GLDN: variants seen among roughly 807,000 people sequenced by gnomAD.
GLDN encodes gliomedin.
Under a neutral mutation model 56.5 loss-of-function variants are expected in GLDN, and 47 were observed. The ratio of observed to expected loss-of-function variants is 0.83; its 90% CI spans 0.66 to 1.06. The LOEUF is 1.06. GLDN is among the 50% of genes least tolerant of loss of function. The pLI is 0.00. For synonymous variants in GLDN, 332 were observed against 278.8 expected, an observed-to-expected ratio of 1.19 and a Z score of -1.90; for missense variants, 782 against 714.3, an observed-to-expected ratio of 1.09 and a Z score of -1.08.
intron 1 of GLDN, among the ~76,000 whole-genome samples, chr15:51,344,566 A>G: frequency 6.6e-6 from 1 of 152,146 alleles, no homozygotes; most frequent in African/African-American, 2.4e-5. Context: ...AAGTGTATAC[A>G]CTTCTTATAG....
chr15:51,401,114 A>G (rs778871220), intron 8 of GLDN, among the ~76,000 whole-genome samples: 7 of 152,250 alleles, frequency 4.6e-5, no homozygotes, highest in Non-Finnish European at 1.5e-5. Context: ...TTATTTCATC[A>G]AGGCCAGTTA....
At chr15:51,399,099 C>A (rs1388728354) in intron 6 of GLDN, among the ~76,000 whole-genome samples, 1 of 152,164 alleles carries the variant, frequency 6.6e-6, no homozygotes, top group Non-Finnish European at 1.5e-5. Flanking sequence ...ATCTTTAATA[C>A]CCTGTAGTTC....
chr15:51,391,224 C>T (rs898395426), intron 4 of GLDN, among the ~76,000 whole-genome samples: 2 of 151,790 alleles, frequency 1.3e-5, no homozygotes, highest in East Asian at 1.9e-4. Flanking sequence ...AAATACCTGA[C>T]CCTGTGGGGG....
intron 1 of GLDN, among the ~76,000 whole-genome samples, chr15:51,356,373 T>C (rs754577168): frequency 1.3e-5 from 2 of 152,118 alleles, no homozygotes; most frequent in African/African-American, 2.4e-5. Context: ...GGTGGTGCTA[T>C]GGACAGAAGT....
At chr15:51,402,267 G>A (rs1461920487) in intron 9 of GLDN, among the ~76,000 whole-genome samples, 1 of 152,210 alleles carries the variant, frequency 6.6e-6, no homozygotes, top group Non-Finnish European at 1.5e-5. Context: ...AAGGGAGGAG[G>A]GTCACCTGGG....
intron 1 of GLDN, among the ~76,000 whole-genome samples, chr15:51,352,224 C>A (rs2037089903): frequency 6.6e-6 from 1 of 151,980 alleles, no homozygotes; most frequent in Non-Finnish European, 1.5e-5. Flanking sequence ...AAGGGCAAGG[C>A]AGCTCTCTGG....
the GLDN span, among the ~76,000 whole-genome samples, chr15:51,413,061 G>T: frequency 2.0e-5 from 3 of 152,008 alleles, no homozygotes; most frequent in South Asian, 2.1e-4. Flanking sequence ...CCTTGTTATT[G>T]CTTTATCTGT....
intron 6 of GLDN, among the ~76,000 whole-genome samples, chr15:51,397,976 G>A (rs1261005820): frequency 6.6e-6 from 1 of 152,258 alleles, no homozygotes; most frequent in Non-Finnish European, 1.5e-5. Flanking sequence ...TGAAGGGGAA[G>A]TTTGGATTGG....
intron 1 of GLDN, among the ~76,000 whole-genome samples, chr15:51,366,031 G>A (rs577847218): frequency 1.3e-5 from 2 of 152,294 alleles, no homozygotes; most frequent in East Asian, 3.9e-4. Context: ...ATAAAGTAAG[G>A]GCAAGGATGT....
At chr15:51,384,159 G>A in intron 4 of GLDN, 1 of 453,770 alleles carries the variant, frequency 2.2e-6, no homozygotes, top group South Asian at 2.2e-5. Context: ...GAGGTGGAAG[G>A]AGCAGGAGCC....
chr15:51,362,884 AT>A (rs2037328186), intron 1 of GLDN, among the ~76,000 whole-genome samples: 2 of 152,218 alleles, frequency 1.3e-5, no homozygotes, highest in African/African-American at 2.4e-5. Flanking sequence ...AGCTGATAAA[AT>A]TTTCTGACAG....
At chr15:51,347,418 T>C (rs1347286079) in intron 1 of GLDN, among the ~76,000 whole-genome samples, 2 of 152,232 alleles carry the variant, frequency 1.3e-5, no homozygotes, top group Non-Finnish European at 2.9e-5. Context: ...TTTTTGCGAT[T>C]TTTTTTCCTT....
At chr15:51,370,635 TAAA>T (rs61086666) in intron 1 of GLDN, among the ~76,000 whole-genome samples, 9 of 147,288 alleles carry the variant, frequency 6.1e-5, no homozygotes, top group East Asian at 3.9e-4. Context: ...CACAGAAAAG[TAAA>T]AAAAAAAAAA....
At chr15:51,370,363 C>T (rs775290020) in intron 1 of GLDN, among the ~76,000 whole-genome samples, 5 of 152,182 alleles carry the variant, frequency 3.3e-5, no homozygotes, top group Non-Finnish European at 5.9e-5. Context: ...TCAACCCCAC[C>T]TGTTTACCCA....
Position 51,381,569 on chromosome 15 carries a change from A to G in GLDN, c.416-1867A>G, listed in dbSNP as rs74651641. Among the ~76,000 whole-genome samples the G allele has an allele frequency of 0.011, 1,640 of 152,236 alleles. 45 individuals carry two copies. In the East Asian group the frequency reaches 0.11, roughly 10 times the overall value. ...CTCCCAAAAGTCCCCACGCCTGTCA[A>G]AATAGCCTCTATCCATCTGTATTGC... On this transcript the variant is annotated intron_variant, in intron 2 of 9. Transcript: ENST00000335449.
chr15:51,387,031 A>T (rs2037911949), intron 4 of GLDN, among the ~76,000 whole-genome samples: 1 of 152,036 alleles, frequency 6.6e-6, no homozygotes, highest in Non-Finnish European at 1.5e-5. Flanking sequence ...TATATCAGGG[A>T]GTCATTGAGG....
chr15:51,361,152 G>C (rs2037292784), intron 1 of GLDN, among the ~76,000 whole-genome samples: 1 of 152,178 alleles, frequency 6.6e-6, no homozygotes, highest in Non-Finnish European at 1.5e-5. Flanking sequence ...CTCCATTAGA[G>C]GCCTGGGGAA....
chr15:51,394,690 C>T lies in GLDN; in HGVS notation c.542-145C>T, dbSNP rs1174684311. ...CTGTTCTTTAATGAACGTATGGTCA[C>T]ACTGCTGCTCTAAAATGGTTATGAA... On this transcript the variant is annotated intron_variant, in intron 4 of 9. Coordinates refer to ENST00000335449, the MANE Select transcript of GLDN (RefSeq NM_181789.4). The T allele has an allele frequency of 5.9e-5, 41 of 700,304 alleles. No individual in the cohort carries two copies. The East Asian group carries it at 1.2e-3, about 20-fold the overall frequency. 43.4% of individuals were successfully genotyped at this position (700,304 alleles called of 1,614,324 possible). A position where few individuals can be genotyped will look rare whatever the true frequency, so the allele number is the denominator to read the frequency against.
chr15:51,397,295 C>A (rs1365713515), intron 5 of GLDN, among the ~76,000 whole-genome samples, 175 bp from the exon 6 acceptor site: 1 of 151,772 alleles, frequency 6.6e-6, no homozygotes, highest in Non-Finnish European at 1.5e-5. Context: ...TTCTTCCCAC[C>A]CTCTCTCCCT....
Sources: gnomAD v4.1 joint callset for allele counts (sites outside exome capture counted in the v4.1 genomes callset) on GRCh38, gnomAD v4.1.1 for gene constraint, MANE v1.5 for transcripts, NCBI Gene and HGNC (gene_info 2026-07-23, HGNC 2026-07-21) for gene names.